DPYD: variants seen among roughly 807,000 people sequenced by gnomAD.
DPYD encodes dihydropyrimidine dehydrogenase [NADP(+)].
In DPYD, 109 loss-of-function variants were observed where a neutral mutation model predicts 116.2. The ratio of observed to expected loss-of-function variants is 0.94; its 90% CI spans 0.80 to 1.10. The LOEUF (loss-of-function observed/expected upper bound fraction) is 1.10, where lower values mean the gene tolerates loss of function less well. Among genes scored for constraint, DPYD ranks in the 50% least tolerant of loss-of-function variants. DPYD has a pLI of 0.00. For synonymous variants in DPYD, 440 were observed against 432.0 expected (o/e 1.02, Z -0.23); for missense variants, 1,302 against 1,254.5 (o/e 1.04, Z -0.57).
In DPYD at chr1:97,886,157, G is replaced by A. The variant is rs535048978; in HGVS notation, c.40-2783C>T. ...GGAGTGAAGGTCTATGGCATTTGAA[G>A]TATAACCCACACCACTTCAGTCCAG... On this transcript the variant is annotated intron_variant, in intron 1 of 22. Transcript: ENST00000370192. Among the ~76,000 whole-genome samples the A allele has an allele frequency of 2.0e-5, 3 of 152,202 alleles. No homozygotes were observed. The South Asian group carries it at 6.2e-4, about 32-fold the overall frequency.
At chr1:97,526,284 T>C (rs774808458) in intron 12 of DPYD, among the ~76,000 whole-genome samples, 16 of 152,116 alleles carry the variant, frequency 1.1e-4, no homozygotes, top group Non-Finnish European at 2.1e-4. Flanking sequence ...TCGTGCTTTG[T>C]CCTCTTTCTT....
rs139238804 is a variant in DPYD, at chr1:97,151,577, A to C, written c.2622+41492T>G. ...GTAATCCCAGCTACTCGGCAGGCTG[A>C]GGCAGGACAATCGATTGAACCTGGG... On this transcript the variant is annotated intron_variant, in intron 20 of 22. Coordinates refer to ENST00000370192, the MANE Select transcript of DPYD (RefSeq NM_000110.4). Among the ~76,000 whole-genome samples the C allele has an allele frequency of 9.0e-3, 1,376 of 152,316 alleles. 19 individuals are homozygous for C. The highest frequency in any genetic ancestry group is 0.032 in the African/African-American group (1,310 of 41,562).
At chr1:97,385,362 T>TGGG (rs1385093575) in intron 14 of DPYD, among the ~76,000 whole-genome samples, 1 of 115,042 alleles carries the variant, frequency 8.7e-6, no homozygotes, top group Non-Finnish European at 1.7e-5. Flanking sequence ...AAAAATCAAC[T>TGGG]GGGGAATGGG....
intron 1 of DPYD, among the ~76,000 whole-genome samples, chr1:97,904,694 G>A (rs960338987): frequency 3.3e-5 from 5 of 151,958 alleles, no homozygotes; most frequent in African/African-American, 9.7e-5. Flanking sequence ...TTTGTTGAAG[G>A]AGCTATTTCA....
chr1:97,342,964 C>A (rs1039243738), intron 16 of DPYD, among the ~76,000 whole-genome samples: 1 of 151,958 alleles, frequency 6.6e-6, no homozygotes, highest in African/African-American at 2.4e-5. Flanking sequence ...TCAGTTACAT[C>A]TCCTGTATTT....
intron 14 of DPYD, among the ~76,000 whole-genome samples, chr1:97,388,848 A>G (rs911138939): frequency 2.0e-5 from 3 of 152,098 alleles, no homozygotes; most frequent in African/African-American, 7.2e-5. Context: ...TGATTTGGGA[A>G]AGAGAAAGAA....
At chr1:97,826,825 T>C (rs1395474601) in intron 3 of DPYD, among the ~76,000 whole-genome samples, 3 of 152,102 alleles carry the variant, frequency 2.0e-5, no homozygotes, top group Non-Finnish European at 2.9e-5. Flanking sequence ...TCAGTTTTAT[T>C]TTTCCCTCTT....
intron 5 of DPYD, among the ~76,000 whole-genome samples, chr1:97,704,297 A>G (rs913573777): frequency 6.6e-6 from 1 of 152,068 alleles, no homozygotes; most frequent in Non-Finnish European, 1.5e-5. Context: ...GTATTTAAGT[A>G]TATTATGAAA....
At chr1:97,728,818 ACT>A (rs1663415954) in intron 4 of DPYD, among the ~76,000 whole-genome samples, 1 of 152,042 alleles carries the variant, frequency 6.6e-6, no homozygotes, top group East Asian at 1.9e-4. Context: ...CACACAGAAC[ACT>A]CTTTTTGTCA....
intron 14 of DPYD, among the ~76,000 whole-genome samples, chr1:97,391,404 T>C (rs1384697504): frequency 1.3e-5 from 2 of 152,038 alleles, no homozygotes; most frequent in African/African-American, 4.8e-5. Context: ...AAACTAGGAA[T>C]ACCTATCTTT....
At chr1:97,199,714 T>TA (rs1468418986) in intron 19 of DPYD, among the ~76,000 whole-genome samples, 1 of 152,118 alleles carries the variant, frequency 6.6e-6, no homozygotes, top group East Asian at 1.9e-4. Flanking sequence ...GCTGTGTAAC[T>TA]AGGGCTAGTC....
chr1:97,802,599 A>G (rs372562741), intron 3 of DPYD, among the ~76,000 whole-genome samples: 1 of 151,854 alleles, frequency 6.6e-6, no homozygotes, highest in African/African-American at 2.4e-5. Flanking sequence ...AAGACTCCCA[A>G]CTATATCTTT....
chr1:97,714,655 C>CAA lies in DPYD; in HGVS notation c.483+6853_483+6854dup, dbSNP rs1193831747. 2.4e-4 allele frequency among the ~76,000 whole-genome samples: 12 copies of CAA among 49,926 alleles called. No individual in the cohort carries two copies. The East Asian group carries it at 3.0e-3, about 12-fold the overall frequency. 32.8% of individuals were successfully genotyped at this position (49,926 alleles called of 152,430 possible). On this transcript the variant is annotated intron_variant, in intron 5 of 22. Transcript: ENST00000370192. ...GCTACAGAAGTTAAAAAAGAAAAGA[C>CAA]AAAAAAAAAAAAAAAAAAACAACTA...
At chr1:97,483,982 T>C (rs1160408717) in intron 13 of DPYD, among the ~76,000 whole-genome samples, 1 of 152,220 alleles carries the variant, frequency 6.6e-6, no homozygotes, top group East Asian at 1.9e-4. Flanking sequence ...ATCTGACTGA[T>C]ATTTTGGTTG....
intron 3 of DPYD, among the ~76,000 whole-genome samples, chr1:97,752,605 C>T (rs1474862981): frequency 6.6e-6 from 1 of 152,176 alleles, no homozygotes; most frequent in Non-Finnish European, 1.5e-5. Context: ...GAACTCTGCT[C>T]ATAGTTCCAT....
chr1:97,607,393 AG>A (rs1655665922), intron 8 of DPYD, among the ~76,000 whole-genome samples: 1 of 151,804 alleles, frequency 6.6e-6, no homozygotes, highest in Non-Finnish European at 1.5e-5. Context: ...ATAGTGGAAG[AG>A]GGGCAGATTC....
In DPYD at chr1:97,078,694, T is replaced by C. The variant is rs886046572; in HGVS notation, c.*282A>G. The C allele has an allele frequency of 4.8e-6, 2 of 413,834 alleles. No individual in the cohort carries two copies. The highest frequency in any genetic ancestry group is 5.3e-5 in the East Asian group (1 of 18,940). The allele number at this position is 413,834 out of a possible 1,614,324, so 25.6% of individuals were successfully genotyped here. On this transcript the variant is annotated 3_prime_UTR_variant, in exon 23 of 23. Coordinates refer to ENST00000370192, the MANE Select transcript of DPYD (RefSeq NM_000110.4). ...ACTAATTGCCACAAAAAAGTTAATT[T>C]TTCACATAAGACAACTGGCAGTGAA...
In DPYD at chr1:97,450,177, G is replaced by C. The variant is rs756020314; in HGVS notation, c.1787C>G (p.Ser596Cys). ...TTGTCCAGGGCCATACATGGGGCCAGAGGTGGTTCCCCGGATGATTCTGGG... is the reference window on the plus strand; with the variant it reads ...TTGTCCAGGGCCATACATGGGGCCACAGGTGGTTCCCCGGATGATTCTGGG... ...VSPRIIRGTT[S>C]GPMYGPGQSS... The change falls in exon 14 of 23, where the codon TCT (serine) becomes TGT (cysteine). Residue 596 changes from serine (S) to cysteine (C), a missense_variant. Coordinates refer to ENST00000370192, the MANE Select transcript of DPYD (RefSeq NM_000110.4). 6.2e-7 allele frequency: 1 copy of C among 1,613,896 alleles called. No homozygotes were observed. Among genetic ancestry groups the C allele is most frequent in the Non-Finnish European group, 8.5e-7 (1 of 1,179,850 alleles).
chr1:97,444,184 C>G (rs987708261), intron 14 of DPYD, among the ~76,000 whole-genome samples: 1 of 152,096 alleles, frequency 6.6e-6, no homozygotes, highest in Non-Finnish European at 1.5e-5. Flanking sequence ...CATTTGTTTT[C>G]TTTTTTGAAA....
Sources: gnomAD v4.1 joint callset for allele counts (sites outside exome capture counted in the v4.1 genomes callset) on GRCh38, gnomAD v4.1.1 for gene constraint, MANE v1.5 for transcripts, NCBI Gene and HGNC (gene_info 2026-07-23, HGNC 2026-07-21) for gene names.